RRM1: variants seen among roughly 807,000 people sequenced by gnomAD.
RRM1 encodes ribonucleoside-diphosphate reductase large subunit.
Under a neutral mutation model 101.5 loss-of-function variants are expected in RRM1, and 19 were observed. The ratio of observed to expected loss-of-function variants is 0.19; its 90% CI spans 0.13 to 0.27. The LOEUF is 0.27. RRM1 is among the 10% of genes least tolerant of loss of function. The pLI is 1.00. For synonymous variants in RRM1, 298 were observed against 323.4 expected (o/e 0.92, Z 0.84); for missense variants, 500 against 962.9 (o/e 0.52, Z 6.36).
chr11:4,134,145 G>A (rs2094605319), intron 17 of RRM1, among the ~76,000 whole-genome samples: 3 of 151,968 alleles, frequency 2.0e-5, no homozygotes. Flanking sequence ...ACCACGCCCG[G>A]CTGTTTTTTG....
intron 4 of RRM1, among the ~76,000 whole-genome samples, chr11:4,108,266 A>G (rs927563184): frequency 3.3e-5 from 5 of 152,228 alleles, no homozygotes; most frequent in Non-Finnish European, 5.9e-5. Context: ...TTTACCGTGT[A>G]TATCTGGACA....
At chr11:4,114,336 G>A (rs1190728836) in intron 7 of RRM1, among the ~76,000 whole-genome samples, 1 of 151,680 alleles carries the variant, frequency 6.6e-6, no homozygotes, top group African/African-American at 2.4e-5. Context: ...GGTGGATCAC[G>A]AGGTCAGGAG....
Position 4,108,597 on chromosome 11 carries a change from C to CAAAAAAAAA in RRM1, c.388-1034_388-1026dup, listed in dbSNP as rs754848612. Among the ~76,000 whole-genome samples, 23 of 72,978 alleles carry CAAAAAAAAA rather than the reference C, an allele frequency of 3.2e-4. No individual in the cohort carries two copies. In the East Asian group the frequency reaches 3.8e-3, roughly 12 times the overall value. 47.9% of individuals were successfully genotyped at this position (72,978 alleles called of 152,430 possible). A position where few individuals can be genotyped will look rare whatever the true frequency, so the allele number is the denominator to read the frequency against. On this transcript the variant is annotated intron_variant, in intron 4 of 18. Transcript: ENST00000300738. ...TGGGCAACAGAGTGAGACTCAGTCT[C>CAAAAAAAAA]AAAAAAAAAAAAAAAAAAAAAGAAT...
rs969441012 is a variant in RRM1 at position 4,132,847 on chromosome 11, T to G, written c.1905+426T>G. 3.3e-5 allele frequency among the ~76,000 whole-genome samples: 5 copies of G among 152,186 alleles called. No homozygotes were observed. The highest frequency in any genetic ancestry group is 1.2e-4 in the African/African-American group (5 of 41,440). ...GTGGTTTTTTCTTTGTTTTTAAGGT[T>G]CCCAGGTAATTCTTATGTGTAGCTA... is the stretch of plus-strand genomic sequence containing the variant. On this transcript the variant is annotated intron_variant, in intron 16 of 18. Transcript: ENST00000300738. The surrounding 1 kb of genome is among the most constrained non-coding windows in gnomAD (Gnocchi z 4.1).
At chr11:4,131,315 C>T (rs1005582443) in intron 15 of RRM1, among the ~76,000 whole-genome samples, 6 of 152,152 alleles carry the variant, frequency 3.9e-5, no homozygotes, top group African/African-American at 1.2e-4. Flanking sequence ...AGGTCCCTCC[C>T]GTAACGTGGG....
chr11:4,137,234 T>G (rs1318944092), intron 18 of RRM1: 6 of 260,122 alleles, frequency 2.3e-5, no homozygotes, highest in South Asian at 1.4e-4. Flanking sequence ...CGCCCTTCTA[T>G]TCCACAAAGC....
chr11:4,111,600 G>A lies in RRM1; in HGVS notation c.448-1G>A. 1 of 1,594,560 alleles carries A rather than the reference G, an allele frequency of 6.3e-7. No individual in the cohort carries two copies. Among genetic ancestry groups the A allele is most frequent in the Non-Finnish European group, 8.5e-7 (1 of 1,170,260 alleles). Reference sequence around the variant, plus strand: ...ATTTTTTGTTGTTTCTCTCTTTCTAGACGCTAGAGCGGTCTTATTTGTTGA... The same window carrying A: ...ATTTTTTGTTGTTTCTCTCTTTCTAAACGCTAGAGCGGTCTTATTTGTTGA... On this transcript the variant is annotated splice_acceptor_variant, in intron 5 of 18. Transcript: ENST00000300738. LOFTEE classifies it high-confidence loss of function.
chr11:4,121,681 A>G lies in RRM1; in HGVS notation c.954A>G (p.Thr318=). The G allele has an allele frequency of 6.2e-7, 1 of 1,613,914 alleles. No homozygotes were observed. The change falls in exon 10 of 19, where the codon ACA becomes ACG. Residue 318 remains threonine, a synonymous_variant. Coordinates refer to ENST00000300738, the MANE Select transcript of RRM1 (RefSeq NM_001033.5). ...AATTCCTTGATTTAAAGAAGAACAC[A>G]GGAAAGGAAGAGCAGCGTGCCAGAG... ...IFEFLDLKKN[T]GKEEQRARDL...
At chr11:4,122,608 C>T (rs2094583434) in intron 11 of RRM1, among the ~76,000 whole-genome samples, 1 of 152,140 alleles carries the variant, frequency 6.6e-6, no homozygotes, top group South Asian at 2.1e-4. Context: ...TGCAGTGGCT[C>T]ACATCTGTAG....
rs1248119997 is a variant in RRM1, at chr11:4,135,289, G to C, written c.2190+19G>C. 6.4e-7 allele frequency: 1 copy of C among 1,554,950 alleles called. No individual in the cohort carries two copies. Reference sequence around the variant, plus strand: ...GAAGCAGGTTGGTAGAGAATATCAAGGAGTACTTAATTGCCAGCTTGAGAT... The same window carrying C: ...GAAGCAGGTTGGTAGAGAATATCAACGAGTACTTAATTGCCAGCTTGAGAT... On this transcript the variant is annotated intron_variant, in intron 18 of 18. Transcript: ENST00000300738.
intron 2 of RRM1, among the ~76,000 whole-genome samples, chr11:4,102,914 G>A (rs1744282826): frequency 6.6e-6 from 1 of 152,146 alleles, no homozygotes; most frequent in Admixed American, 6.5e-5. Flanking sequence ...TCTCTGCAGT[G>A]TCCTGGACTT....
At chr11:4,126,912 A>G in intron 13 of RRM1, 79 bp downstream of exon 13, 1 of 1,437,670 alleles carries the variant, frequency 7.0e-7, no homozygotes, top group South Asian at 1.3e-5. Context: ...TCAAGTCATC[A>G]TTTAAATGGT....
intron 4 of RRM1, among the ~76,000 whole-genome samples, chr11:4,109,143 A>T (rs1001292235): frequency 6.6e-6 from 1 of 151,986 alleles, no homozygotes. Flanking sequence ...GAATTAACAT[A>T]AGCCTGCTTC....
In RRM1 at chr11:4,135,151, G is replaced by C. The variant is rs1307295849; in HGVS notation, c.2071G>C (p.Val691Leu). ...TGTGTGGGAAATCTCTCAGAAAACT[G>C]TTCTCAAGATGGCAGCTGAGAGAGG... ...KTVWEISQKT[V>L]LKMAAERGAF... is the part of the protein sequence containing the mutation. The change falls in exon 18 of 19, where the codon GTT becomes CTT. Residue 691 changes from valine to leucine, a missense_variant. Transcript: ENST00000300738. The C allele has an allele frequency of 6.2e-7, 1 of 1,613,626 alleles. No individual in the cohort carries two copies. Among genetic ancestry groups the C allele is most frequent in the African/African-American group, 1.3e-5 (1 of 74,914 alleles).
chr11:4,114,861 C>T (rs950909160), intron 7 of RRM1, among the ~76,000 whole-genome samples: 11 of 152,078 alleles, frequency 7.2e-5, no homozygotes, highest in African/African-American at 2.6e-4. Flanking sequence ...TACAGGCGTG[C>T]ACCACCACAC....
In RRM1 at chr11:4,118,332, G is replaced by C. The variant is rs1036863145; in HGVS notation, c.663G>C (p.Leu221=). Residue 221 remains leucine, a synonymous_variant, in exon 8 of 19, where the codon CTG becomes CTC. Coordinates refer to ENST00000300738, the MANE Select transcript of RRM1 (RefSeq NM_001033.5). ...NRPQLSSCFL[L]SMKDDSIEGI... Reference sequence around the variant, plus strand: ...TTTTCCCCCGTAGCTGTTTTCTTCTGAGTATGAAAGATGACAGCATTGAAG... The same window carrying C: ...TTTTCCCCCGTAGCTGTTTTCTTCTCAGTATGAAAGATGACAGCATTGAAG... 16 of 1,611,662 alleles carry C rather than the reference G, an allele frequency of 9.9e-6. No individual in the cohort carries two copies. The highest frequency in any genetic ancestry group is 1.2e-5 in the Non-Finnish European group (14 of 1,179,024).
Position 4,120,811 on chromosome 11 carries a change from C to T in RRM1, c.877-793C>T, listed in dbSNP as rs571656498. On this transcript the variant is annotated intron_variant, in intron 9 of 18. Transcript: ENST00000300738. The stretch of plus-strand genomic sequence containing the variant: ...GTGTAAGCTCACAAGTTCAAGACCA[C>T]GAGTTCAAGCTCACGAGTTCAACAT... Among the ~76,000 whole-genome samples, 10 of 152,258 alleles carry T rather than the reference C, an allele frequency of 6.6e-5. No homozygotes were observed. In the South Asian group the frequency reaches 8.3e-4, roughly 13 times the overall value.
chr11:4,136,465 C>A (rs1040120148), intron 18 of RRM1, among the ~76,000 whole-genome samples: 1 of 152,142 alleles, frequency 6.6e-6, no homozygotes, highest in African/African-American at 2.4e-5. Flanking sequence ...AGCAATTCAC[C>A]TGCCTCGGCC....
intron 10 of RRM1, 81 bp from the exon 11 acceptor site, chr11:4,122,060 C>T: frequency 9.0e-7 from 1 of 1,107,004 alleles, no homozygotes; most frequent in Non-Finnish European, 1.3e-6. Flanking sequence ...GTAAAAGTCA[C>T]CTTATGCTTG....
Sources: gnomAD v4.1 joint callset for allele counts (sites outside exome capture counted in the v4.1 genomes callset) on GRCh38, gnomAD v4.1.1 for gene constraint, Gnocchi (gnomAD v3.1) non-coding constraint, MANE v1.5 for transcripts, NCBI Gene and HGNC (gene_info 2026-07-23, HGNC 2026-07-21) for gene names.